The following ADAMTS12 variants were observed in gnomAD, a reference collection of about 807,000 sequenced individuals.
The protein encoded by ADAMTS12 is A disintegrin and metalloproteinase with thrombospondin motifs 12.
In ADAMTS12, 118 loss-of-function variants were observed where a neutral mutation model predicts 167.8. The observed-to-expected ratio is 0.70, with a 90% confidence interval of 0.61 to 0.82. The LOEUF (loss-of-function observed/expected upper bound fraction) is 0.82. ADAMTS12 is among the 40% of genes least tolerant of loss of function. The pLI, the probability that ADAMTS12 is intolerant of heterozygous loss-of-function variation, is 0.00. For synonymous variants in ADAMTS12, 704 were observed against 716.9 expected, an observed-to-expected ratio of 0.98 and a Z score of 0.29; for missense variants, 1,916 against 1,998.8, an observed-to-expected ratio of 0.96 and a Z score of 0.79.
rs1740261155 is a variant in ADAMTS12, at chr5:33,637,703, A to G, written c.1762T>C (p.Tyr588His). 2.5e-6 allele frequency: 4 copies of G among 1,613,632 alleles called. No homozygotes were observed. Among genetic ancestry groups the G allele is most frequent in the Non-Finnish European group, 3.4e-6 (4 of 1,179,652 alleles). The change falls in exon 12 of 24, where the codon TAT becomes CAT. Residue 588 changes from tyrosine (Y) to histidine (H), a missense_variant. Coordinates refer to ENST00000504830, the MANE Select transcript of ADAMTS12 (RefSeq NM_030955.4). ...GKYCTGERKR[Y>H]RLCNVHPCRS... is the part of the protein sequence containing the mutation. ...CAGGGGTGGACGTTGCACAAGCGAT[A>G]GCGTTTTCTTTCTCCAGTGCAATAT...
intron 2 of ADAMTS12, among the ~76,000 whole-genome samples, chr5:33,757,955 C>T (rs1745223406): frequency 6.6e-6 from 1 of 152,156 alleles, no homozygotes; most frequent in African/African-American, 2.4e-5. Flanking sequence ...AAAGCAGTTA[C>T]TCTAGAGTCC....
chr5:33,848,154 T>C (rs1041447471), intron 2 of ADAMTS12, among the ~76,000 whole-genome samples: 13 of 150,628 alleles, frequency 8.6e-5, no homozygotes, highest in Admixed American at 2.6e-4. Flanking sequence ...GAGGCGGAGG[T>C]TGCAATGAGC....
chr5:33,768,284 C>T (rs986898783), intron 2 of ADAMTS12, among the ~76,000 whole-genome samples: 1 of 152,072 alleles, frequency 6.6e-6, no homozygotes, highest in Non-Finnish European at 1.5e-5. Flanking sequence ...GAAGACCAGA[C>T]GAGGAAATAA....
intron 20 of ADAMTS12, among the ~76,000 whole-genome samples, chr5:33,555,004 A>G (rs576355206): frequency 6.6e-6 from 1 of 152,386 alleles, no homozygotes; most frequent in African/African-American, 2.4e-5. Flanking sequence ...CACTTCAGAA[A>G]TAAATCAAGA....
At chr5:33,552,745 A>G (rs562585162) in intron 20 of ADAMTS12, among the ~76,000 whole-genome samples, 1 of 152,318 alleles carries the variant, frequency 6.6e-6, no homozygotes, top group Non-Finnish European at 1.5e-5. Flanking sequence ...GTTTTTTACC[A>G]GTACCATGCT....
intron 19 of ADAMTS12, among the ~76,000 whole-genome samples, chr5:33,570,928 A>T (rs1380303084): frequency 7.9e-5 from 12 of 151,604 alleles, no homozygotes; most frequent in African/African-American, 2.9e-4. Context: ...GAAAACAAAA[A>T]AGGCAGGGGT....
chr5:33,686,522 T>C (rs1742329801), intron 3 of ADAMTS12, among the ~76,000 whole-genome samples: 1 of 152,136 alleles, frequency 6.6e-6, no homozygotes, highest in East Asian at 1.9e-4. Flanking sequence ...AAAAAGAGAG[T>C]TGCTAGGCAC....
intron 16 of ADAMTS12, among the ~76,000 whole-genome samples, chr5:33,613,966 C>T (rs1249666145): frequency 6.6e-6 from 1 of 152,148 alleles, no homozygotes; most frequent in Non-Finnish European, 1.5e-5. Context: ...TTTTGTTTGA[C>T]ACGTAATGAA....
intron 2 of ADAMTS12, among the ~76,000 whole-genome samples, chr5:33,878,855 C>G (rs1420925074): frequency 2.0e-5 from 3 of 152,174 alleles, no homozygotes; most frequent in Non-Finnish European, 4.4e-5. Flanking sequence ...AGCTAGCCAG[C>G]TAGTCTTCAT....
At chr5:33,815,230 T>C (rs1002683648) in intron 2 of ADAMTS12, among the ~76,000 whole-genome samples, 3 of 152,206 alleles carry the variant, frequency 2.0e-5, no homozygotes, top group African/African-American at 7.2e-5. Flanking sequence ...AGGGAAGTTG[T>C]TACAAACTGA....
Position 33,683,857 on chromosome 5 carries a change from A to C in ADAMTS12, c.831+2T>G. 6.6e-7 allele frequency: 1 copy of C among 1,523,932 alleles called. No homozygotes were observed. The highest frequency in any genetic ancestry group is 8.8e-7 in the Non-Finnish European group (1 of 1,131,128). The allele number at this position is 1,523,932 out of a possible 1,614,324, so 94.4% of individuals were successfully genotyped here. On this transcript the variant is annotated splice_donor_variant, in intron 4 of 23. Coordinates refer to ENST00000504830, the MANE Select transcript of ADAMTS12 (RefSeq NM_030955.4). LOFTEE classifies it high-confidence loss of function. ...CCCCAGCCCCCATGTAGTCTGGCAT[A>C]CCATGTTCATGATGGTGAGGATGTA...
At chr5:33,600,951 T>C (rs550824051) in intron 16 of ADAMTS12, among the ~76,000 whole-genome samples, 76 of 152,304 alleles carry the variant, frequency 5.0e-4, no homozygotes, top group African/African-American at 1.7e-3. Context: ...ACTTTCACTT[T>C]AGGTTCCCAC....
intron 2 of ADAMTS12, among the ~76,000 whole-genome samples, chr5:33,808,813 T>C (rs1350293137): frequency 2.0e-5 from 3 of 152,200 alleles, no homozygotes; most frequent in Non-Finnish European, 4.4e-5. Context: ...ATTAAAAGTC[T>C]TCCTTAAAGT....
chr5:33,631,863 C>A (rs1178853992), intron 12 of ADAMTS12, among the ~76,000 whole-genome samples: 1 of 152,068 alleles, frequency 6.6e-6, no homozygotes, highest in East Asian at 1.9e-4. Flanking sequence ...GCTGTTAGTT[C>A]CTTCATTGTG....
intron 2 of ADAMTS12, among the ~76,000 whole-genome samples, chr5:33,770,037 T>C (rs1229023122): frequency 1.3e-5 from 2 of 152,180 alleles, no homozygotes; most frequent in Non-Finnish European, 2.9e-5. Context: ...AAAAATATCA[T>C]GTCTGGGGAT....
intron 2 of ADAMTS12, among the ~76,000 whole-genome samples, chr5:33,790,297 G>A (rs907487691): frequency 2.1e-4 from 32 of 152,042 alleles, no homozygotes; most frequent in African/African-American, 7.7e-4. Context: ...GCTCACGCCT[G>A]TAATCCCAGC....
At chr5:33,566,622 C>G (rs1746029375) in intron 19 of ADAMTS12, among the ~76,000 whole-genome samples, 1 of 152,036 alleles carries the variant, frequency 6.6e-6, no homozygotes, top group African/African-American at 2.4e-5. Flanking sequence ...GTTCTCATGC[C>G]TCACCTGGAC....
At chr5:33,825,122 A>G (rs964017743) in intron 2 of ADAMTS12, among the ~76,000 whole-genome samples, 5 of 152,228 alleles carry the variant, frequency 3.3e-5, no homozygotes, top group African/African-American at 1.2e-4. Context: ...AGTTCCCGGG[A>G]AAACTACAGC....
intron 1 of ADAMTS12, among the ~76,000 whole-genome samples, chr5:33,883,322 T>G (rs1434782596): frequency 1.8e-5 from 2 of 113,722 alleles, no homozygotes; most frequent in African/African-American, 6.3e-5. Flanking sequence ...TTTGGTTTTT[T>G]TTTTGTTTTT....
Sources: gnomAD v4.1 joint callset for allele counts (sites outside exome capture counted in the v4.1 genomes callset) on GRCh38, gnomAD v4.1.1 for gene constraint, MANE v1.5 for transcripts, NCBI Gene and HGNC (gene_info 2026-07-23, HGNC 2026-07-21) for gene names.